Variants in MRE11 observed in about 807,000 individuals in gnomAD.
MRE11 encodes the protein double-strand break repair protein MRE11.
A neutral mutation model predicts 91.7 loss-of-function variants in MRE11; 62 were observed. The ratio of observed to expected loss-of-function variants is 0.68; its 90% CI spans 0.55 to 0.84. MRE11 has a LOEUF of 0.84. MRE11 is among the 40% of genes least tolerant of loss of function. The pLI, the probability that MRE11 is intolerant of heterozygous loss-of-function variation, is 0.00. For missense variants in MRE11, 796 were observed against 852.9 expected (o/e 0.93, Z 0.83); for synonymous variants, 273 against 271.4 (o/e 1.01, Z -0.06).
At chr11:94,436,045 A>C in intron 17 of MRE11, 146 bp from the exon 18 acceptor site, 1 of 767,908 alleles carries the variant, frequency 1.3e-6, no homozygotes, top group South Asian at 1.5e-5. Context: ...ATTAAAACTA[A>C]CACTCAGTCT....
chr11:94,478,572 T>G (rs931366613), intron 6 of MRE11, among the ~76,000 whole-genome samples, 163 bp downstream of exon 6: 5 of 152,210 alleles, frequency 3.3e-5, no homozygotes, highest in Admixed American at 1.3e-4. Flanking sequence ...AAGACATTTT[T>G]TCACCAAAAA....
intron 2 of MRE11, 40 bp downstream of exon 2, chr11:94,492,742 A>C (rs527875728): frequency 6.2e-7 from 1 of 1,613,094 alleles, no homozygotes; most frequent in Admixed American, 1.7e-5. Flanking sequence ...GAGCTTTAGA[A>C]ACCCCAAATA....
At chr11:94,509,361 T>C in the MRE11 span, among the ~76,000 whole-genome samples, 1 of 152,202 alleles carries the variant, frequency 6.6e-6, no homozygotes. Flanking sequence ...AAAAGTAACA[T>C]TTATTTTTCT....
the MRE11 span, among the ~76,000 whole-genome samples, chr11:94,509,272 T>C: frequency 6.6e-6 from 1 of 152,166 alleles, no homozygotes; most frequent in Non-Finnish European, 1.5e-5. Context: ...GATTTATCCT[T>C]AATGTATTTT....
At chr11:94,466,286 A>G (rs1264006750) in intron 10 of MRE11, among the ~76,000 whole-genome samples, 1 of 152,200 alleles carries the variant, frequency 6.6e-6, no homozygotes, top group Admixed American at 6.5e-5. Context: ...AAAGACATGC[A>G]AAACTGTGTT....
rs1946965303 is a variant in MRE11, at chr11:94,479,687, T to A, written c.389A>T (p.Asp130Val). The A allele has an allele frequency of 6.2e-7, 1 of 1,612,758 alleles. No homozygotes were observed. The highest frequency in any genetic ancestry group is 8.5e-7 in the Non-Finnish European group (1 of 1,179,396). ...AACAATAATTACCCCTGTGGGATCGTCATGATTGCCATGAATACTAAACAC... is the reference window on the plus strand; with the variant it reads ...AACAATAATTACCCCTGTGGGATCGACATGATTGCCATGAATACTAAACAC... ...IPVFSIHGNH[D>V]DPTGADALCA... The change falls in exon 5 of 20, where the codon GAC becomes GTC. Residue 130 changes from aspartate to valine, a missense_variant. Physicochemically the swap from Asp to Val is radical, Grantham distance 152. Coordinates refer to ENST00000323929, the MANE Select transcript of MRE11 (RefSeq NM_005591.4).
chr11:94,447,297 C>T lies in MRE11; in HGVS notation c.1705G>A (p.Gly569Arg), dbSNP rs867533770. Residue 569 changes from glycine (G) to arginine (R), a missense_variant, in exon 15 of 20, where the codon GGA (glycine) becomes AGA (arginine). By Grantham distance (125) the Gly-to-Arg change is moderately radical. Transcript: ENST00000323929. ...CTTCGACCTCTTCCTCGGCCTCTTC[C>T]TTTGTTGGTTGCTGCTGAGATGCTA... is the stretch of plus-strand genomic sequence containing the variant. ...DDSISAATNK[G>R]RGRGRGRRGG... is the part of the protein sequence containing the mutation. 5 of 1,614,048 alleles carry T rather than the reference C, an allele frequency of 3.1e-6. No homozygotes were observed. The Middle Eastern group carries it at 4.9e-4, about 160-fold the overall frequency.
upstream of MRE11, chr11:94,496,902 TG>T: frequency 6.2e-7 from 1 of 1,610,258 alleles, no homozygotes; most frequent in Non-Finnish European, 8.5e-7. Context: ...GAAAAAAAAA[TG>T]GAAAAAGACC....
At chr11:94,434,943 T>C (rs919926071) in intron 18 of MRE11, among the ~76,000 whole-genome samples, 1 of 152,220 alleles carries the variant, frequency 6.6e-6, no homozygotes, top group African/African-American at 2.4e-5. Flanking sequence ...AGTTGATTAC[T>C]TTATTAAGTA....
intron 17 of MRE11, among the ~76,000 whole-genome samples, chr11:94,436,171 G>C (rs1253184852): frequency 6.6e-6 from 1 of 152,102 alleles, no homozygotes; most frequent in Non-Finnish European, 1.5e-5. Context: ...TGAATGACTT[G>C]CATAGGCTCA....
intron 4 of MRE11, among the ~76,000 whole-genome samples, chr11:94,480,257 T>TC (rs1413027648): frequency 1.3e-5 from 2 of 152,226 alleles, no homozygotes; most frequent in Admixed American, 1.3e-4. Flanking sequence ...AGTGCATCTT[T>TC]CAAAAGGATC....
intron 3 of MRE11, among the ~76,000 whole-genome samples, chr11:94,487,987 C>T (rs978474184): frequency 6.6e-6 from 1 of 152,136 alleles, no homozygotes; most frequent in Admixed American, 6.5e-5. Context: ...ATAAGAAATA[C>T]TAAATACAAA....
At chr11:94,480,226 C>A (rs1243914766) in intron 4 of MRE11, among the ~76,000 whole-genome samples, 2 of 152,152 alleles carry the variant, frequency 1.3e-5, no homozygotes, top group Non-Finnish European at 2.9e-5. Flanking sequence ...TTCTCAGAGG[C>A]AAATAATGTT....
At chr11:94,444,067 T>G (rs984525085) in intron 16 of MRE11, among the ~76,000 whole-genome samples, 1 of 151,852 alleles carries the variant, frequency 6.6e-6, no homozygotes. Context: ...CCGCCCTGCC[T>G]GGATAATTTT....
chr11:94,441,600 G>C (rs1036321371), intron 16 of MRE11, among the ~76,000 whole-genome samples: 1 of 152,138 alleles, frequency 6.6e-6, no homozygotes, highest in African/African-American at 2.4e-5. Flanking sequence ...TCCTTACTGT[G>C]TACACACGAA....
At chr11:94,512,398 C>A in the MRE11 span, 1 of 1,025,520 alleles carries the variant, frequency 9.8e-7, no homozygotes. Context: ...TACCTAGGGC[C>A]TCGGAAGGCC....
intron 7 of MRE11, among the ~76,000 whole-genome samples, chr11:94,474,840 G>A (rs1946810148): frequency 6.6e-6 from 1 of 152,052 alleles, no homozygotes; most frequent in Non-Finnish European, 1.5e-5. Flanking sequence ...AATTACTTAT[G>A]AGTTTTCCTT....
intron 16 of MRE11, among the ~76,000 whole-genome samples, chr11:94,437,853 A>G (rs191650440): frequency 1.1e-3 from 164 of 152,278 alleles, no homozygotes; most frequent in African/African-American, 3.8e-3. Flanking sequence ...GGCCAGGCGC[A>G]GTGGCTCACG....
intron 18 of MRE11, among the ~76,000 whole-genome samples, chr11:94,432,882 G>A (rs1177573960): frequency 2.0e-5 from 3 of 152,190 alleles, no homozygotes; most frequent in Non-Finnish European, 4.4e-5. Context: ...ACATTCAATT[G>A]CCTATAACTT....
Sources: allele counts gnomAD v4.1 joint callset (sites outside exome capture counted in the v4.1 genomes callset), GRCh38; gene constraint gnomAD v4.1.1; transcripts MANE v1.5; gene names NCBI Gene and HGNC (gene_info 2026-07-23, HGNC 2026-07-21).